Variants in C14orf39 observed in about 807,000 individuals in gnomAD.
C14orf39 encodes the protein chromosome 14 open reading frame 39.
A neutral mutation model predicts 85.6 loss-of-function variants in C14orf39; 66 were observed. The ratio of observed to expected loss-of-function variants is 0.77; its 90% CI spans 0.63 to 0.95. The LOEUF (loss-of-function observed/expected upper bound fraction) is 0.95. Ranked by LOEUF, C14orf39 falls within the 40% of genes least tolerant of loss-of-function variation. C14orf39 has a pLI of 0.00. For synonymous variants in C14orf39, 242 were observed against 214.0 expected, an observed-to-expected ratio of 1.13 and a Z score of -1.14; for missense variants, 735 against 663.9, an observed-to-expected ratio of 1.11 and a Z score of -1.18.
At chr14:60,463,345 T>C (rs1338609339) in intron 11 of C14orf39, among the ~76,000 whole-genome samples, 2 of 152,162 alleles carry the variant, frequency 1.3e-5, no homozygotes, top group Non-Finnish European at 2.9e-5. Flanking sequence ...TACCAATCTT[T>C]TGCTCATTCT....
At chr14:60,440,922 CT>C (rs1890481152) in intron 17 of C14orf39, among the ~76,000 whole-genome samples, 1 of 152,162 alleles carries the variant, frequency 6.6e-6, no homozygotes, top group Non-Finnish European at 1.5e-5. Context: ...TCAATGTTGA[CT>C]TTTAGTGATG....
chr14:60,478,929 T>C (rs972550144), intron 4 of C14orf39, among the ~76,000 whole-genome samples: 2 of 44,516 alleles, frequency 4.5e-5, no homozygotes, highest in Non-Finnish European at 1.9e-4. Context: ...ATTCATCTTA[T>C]ACATTTTTTA....
At chr14:60,446,403 A>C (rs1246671691) in intron 16 of C14orf39, among the ~76,000 whole-genome samples, 1 of 152,252 alleles carries the variant, frequency 6.6e-6, no homozygotes, top group Non-Finnish European at 1.5e-5. Context: ...AAGTACCATC[A>C]GAGAATACTA....
upstream of C14orf39, among the ~76,000 whole-genome samples, chr14:60,486,777 AAAG>A (rs1195943832): frequency 2.6e-5 from 4 of 152,372 alleles, no homozygotes; most frequent in Admixed American, 2.0e-4. Context: ...TTTAAGTGAA[AAAG>A]AAGGTTTCAG....
upstream of C14orf39, among the ~76,000 whole-genome samples, chr14:60,489,093 A>G (rs1231232999): frequency 2.0e-5 from 3 of 152,108 alleles, no homozygotes; most frequent in African/African-American, 4.8e-5. Flanking sequence ...CCAAATCTTT[A>G]CTTCCAGTCC....
chr14:60,507,450 C>T (rs1893220031), intron 1 of C14orf39, among the ~76,000 whole-genome samples: 1 of 152,190 alleles, frequency 6.6e-6, no homozygotes, highest in African/African-American at 2.4e-5. Context: ...TCTTCATCGC[C>T]CTCTTTATTT....
intron 16 of C14orf39, among the ~76,000 whole-genome samples, chr14:60,451,444 T>A (rs143125766): frequency 4.5e-4 from 69 of 152,126 alleles, no homozygotes; most frequent in African/African-American, 1.6e-3. Flanking sequence ...CAACCCAAAT[T>A]CCATCAATTA....
intron 1 of C14orf39, among the ~76,000 whole-genome samples, chr14:60,500,110 C>A (rs1490369273): frequency 6.6e-6 from 1 of 152,190 alleles, no homozygotes; most frequent in Non-Finnish European, 1.5e-5. Context: ...TCACTACAAC[C>A]TCTGCCTCCT....
upstream of C14orf39, among the ~76,000 whole-genome samples, chr14:60,486,427 T>G (rs1892895596): frequency 6.6e-6 from 1 of 152,224 alleles, no homozygotes; most frequent in African/African-American, 2.4e-5. Flanking sequence ...CTCAATTCAA[T>G]AATCAAAATT....
intron 4 of C14orf39, among the ~76,000 whole-genome samples, chr14:60,481,509 G>A (rs1038376767): frequency 3.9e-5 from 6 of 151,918 alleles, no homozygotes; most frequent in Non-Finnish European, 7.4e-5. Flanking sequence ...TTTAAATCAT[G>A]CTTATTTTTA....
chr14:60,438,868 A>T (rs532180148), intron 17 of C14orf39, among the ~76,000 whole-genome samples: 1 of 152,324 alleles, frequency 6.6e-6, no homozygotes, highest in South Asian at 2.1e-4. Flanking sequence ...GCCAAAGCAC[A>T]GGTTACCCTT....
In C14orf39 at chr14:60,455,253, A is replaced by G. The variant is rs1595454119; in HGVS notation, c.1359-108T>C. Reference sequence around the variant, plus strand: ...AGGTGAGAATTAGCATAGTAGGGAAATGTAGGAAGTAGTTATTGAAGTGAC... The same window carrying G: ...AGGTGAGAATTAGCATAGTAGGGAAGTGTAGGAAGTAGTTATTGAAGTGAC... On this transcript the variant is annotated intron_variant, in intron 15 of 17. Coordinates refer to ENST00000321731, the MANE Select transcript of C14orf39 (RefSeq NM_174978.3). 6 of 710,008 alleles carry G rather than the reference A, an allele frequency of 8.5e-6. No individual in the cohort carries two copies. The East Asian group carries it at 1.9e-4, about 22-fold the overall frequency. 44.0% of individuals were successfully genotyped at this position (710,008 alleles called of 1,614,324 possible). A position where few individuals can be genotyped will look rare whatever the true frequency, so the allele number is the denominator to read the frequency against.
chr14:60,468,572 T>G lies in C14orf39; in HGVS notation c.676-36A>C, dbSNP rs376494459. ...AATTGGGAACACAAAACAAAATAAT[T>G]ACTTGCAAAGCAGTAAAAAAAGATA... On this transcript the variant is annotated intron_variant, in intron 8 of 17. Coordinates refer to ENST00000321731, the MANE Select transcript of C14orf39 (RefSeq NM_174978.3). 2.3e-5 allele frequency: 28 copies of G among 1,231,906 alleles called. No homozygotes were observed. The African/African-American group carries it at 4.0e-4, about 18-fold the overall frequency. 76.3% of individuals were successfully genotyped at this position (1,231,906 alleles called of 1,614,324 possible). A position where few individuals can be genotyped will look rare whatever the true frequency, so the allele number is the denominator to read the frequency against.
At chr14:60,486,590 C>G (rs1892898963), upstream of C14orf39, among the ~76,000 whole-genome samples, 1 of 152,128 alleles carries the variant, frequency 6.6e-6, no homozygotes, top group African/African-American at 2.4e-5. Context: ...GTAATTTATG[C>G]TCTTAGGCTT....
chr14:60,495,774 A>G (rs1893061683), intron 2 of C14orf39: 3 of 247,044 alleles, frequency 1.2e-5, no homozygotes, highest in Non-Finnish European at 8.1e-6. Context: ...CGATACTTAA[A>G]TTTGTGCTTG....
At chr14:60,504,348 G>C (rs1224779811) in intron 1 of C14orf39, among the ~76,000 whole-genome samples, 1 of 152,176 alleles carries the variant, frequency 6.6e-6, no homozygotes, top group African/African-American at 2.4e-5. Context: ...ACAAACAGTT[G>C]ATACAATGTA....
At position 60,465,212 on chromosome 14, in the gene C14orf39, A is replaced by AT. The variant is rs533918301; in HGVS notation, c.972+766dup. ...TTCAGTACCAGATTTAAAAATTTTT[A>AT]TAAGTTATACATATTTACACTTGAG... is the stretch of plus-strand genomic sequence containing the variant. On this transcript the variant is annotated intron_variant, in intron 11 of 17. Transcript: ENST00000321731. Among the ~76,000 whole-genome samples the AT allele has an allele frequency of 3.8e-4, 58 of 152,272 alleles. No individual in the cohort carries two copies. In the East Asian group the frequency reaches 7.1e-3, roughly 19 times the overall value.
intron 1 of C14orf39, chr14:60,511,461 C>A: frequency 3.1e-6 from 2 of 648,866 alleles, no homozygotes; most frequent in South Asian, 3.5e-5. Context: ...CGGGAACCAG[C>A]GGTGAGGCCT....
intron 7 of C14orf39, among the ~76,000 whole-genome samples, 183 bp from the exon 8 acceptor site, chr14:60,469,836 T>A (rs2140117081): frequency 6.6e-6 from 1 of 150,956 alleles, no homozygotes; most frequent in South Asian, 2.1e-4. Context: ...GACTAACAGA[T>A]AATTTATTGT....
Sources: allele counts gnomAD v4.1 joint callset (sites outside exome capture counted in the v4.1 genomes callset), GRCh38; gene constraint gnomAD v4.1.1; transcripts MANE v1.5; gene names NCBI Gene and HGNC (gene_info 2026-07-23, HGNC 2026-07-21).